ALPL: variants seen among roughly 807,000 people sequenced by gnomAD.
The protein encoded by ALPL is alkaline phosphatase, tissue-nonspecific isozyme.
Under a neutral mutation model 51.3 loss-of-function variants are expected in ALPL, and 42 were observed. That is an observed-to-expected ratio of 0.82 (90% CI 0.64 to 1.06). The LOEUF (loss-of-function observed/expected upper bound fraction) is 1.06. ALPL is among the 50% of genes least tolerant of loss of function. ALPL has a pLI of 0.00. For missense variants in ALPL, 589 were observed against 709.4 expected (o/e 0.83, Z 1.93); for synonymous variants, 279 against 296.4 (o/e 0.94, Z 0.60).
At chr1:21,571,344 T>G (rs904651893) in intron 8 of ALPL, among the ~76,000 whole-genome samples, 1 of 152,194 alleles carries the variant, frequency 6.6e-6, no homozygotes, top group African/African-American at 2.4e-5. Context: ...TTGTATAAGT[T>G]ATCTGTTGCT....
At chr1:21,574,944 G>A (rs561863889) in intron 9 of ALPL, among the ~76,000 whole-genome samples, 153 of 152,388 alleles carry the variant, frequency 1.0e-3, no homozygotes, top group African/African-American at 3.5e-3. Flanking sequence ...ACCAGGCAGC[G>A]CCCTCCTGTT....
At chr1:21,552,513 TC>T (rs1160891011) in intron 1 of ALPL, among the ~76,000 whole-genome samples, 1 of 151,792 alleles carries the variant, frequency 6.6e-6, no homozygotes, top group Non-Finnish European at 1.5e-5. Flanking sequence ...AAAATCTTTT[TC>T]CTTTGAGCTG....
intron 1 of ALPL, among the ~76,000 whole-genome samples, chr1:21,524,718 G>C (rs1477601905): frequency 6.6e-6 from 1 of 152,182 alleles, no homozygotes; most frequent in Non-Finnish European, 1.5e-5. Context: ...GATCTGGGGA[G>C]GGGGAGCAAG....
At chr1:21,518,100 C>T (rs1308297785) in intron 1 of ALPL, among the ~76,000 whole-genome samples, 2 of 152,010 alleles carry the variant, frequency 1.3e-5, no homozygotes, top group African/African-American at 2.4e-5. Flanking sequence ...AGGGCCCACC[C>T]CAGGTGTGGG....
In ALPL at chr1:21,577,914, A is replaced by G. The variant is rs1644765420; in HGVS notation, c.*266A>G. 1 of 588,552 alleles carries G rather than the reference A, an allele frequency of 1.7e-6. No individual in the cohort carries two copies. Among genetic ancestry groups the G allele is most frequent in the African/African-American group, 1.9e-5 (1 of 53,818 alleles). The allele number at this position is 588,552 out of a possible 1,614,324, so 36.5% of individuals were successfully genotyped here. A position where few individuals can be genotyped will look rare whatever the true frequency, so the allele number is the denominator to read the frequency against. ...GATTTCTCTTGGGCAGGCAGAGAGTACAGACTGCAGACATTCTCAAAGCCT... is the reference window on the plus strand; with the variant it reads ...GATTTCTCTTGGGCAGGCAGAGAGTGCAGACTGCAGACATTCTCAAAGCCT... On this transcript the variant is annotated 3_prime_UTR_variant, in exon 12 of 12. Coordinates refer to ENST00000374840, the MANE Select transcript of ALPL (RefSeq NM_000478.6).
intron 1 of ALPL, among the ~76,000 whole-genome samples, chr1:21,544,909 T>G (rs1357106740): frequency 1.4e-5 from 2 of 144,820 alleles, no homozygotes; most frequent in South Asian, 2.1e-4. Flanking sequence ...TTTTGTTTTG[T>G]TTTTTTTTCT....
intron 1 of ALPL, among the ~76,000 whole-genome samples, chr1:21,538,397 G>A (rs1171187511): frequency 2.0e-5 from 3 of 152,228 alleles, no homozygotes; most frequent in Admixed American, 2.0e-4. Context: ...CTGGGAATGC[G>A]AGGAACGCTG....
intron 11 of ALPL, 98 bp from the exon 12 acceptor site, chr1:21,577,285 G>C: frequency 6.3e-7 from 1 of 1,577,750 alleles, no homozygotes; most frequent in Non-Finnish European, 8.7e-7. Context: ...TCTGTGAAAT[G>C]GGAGCATTCA....
At chr1:21,515,077 A>T (rs1300250205) in intron 1 of ALPL, among the ~76,000 whole-genome samples, 2 of 152,054 alleles carry the variant, frequency 1.3e-5, no homozygotes, top group Non-Finnish European at 2.9e-5. Flanking sequence ...TGTTTCAGAG[A>T]TGCTTCTTCA....
chr1:21,553,437 G>A (rs1217429511), intron 1 of ALPL, among the ~76,000 whole-genome samples: 1 of 152,168 alleles, frequency 6.6e-6, no homozygotes, highest in Non-Finnish European at 1.5e-5. Context: ...GAAAGAAGGG[G>A]TGCACTCTGT....
At chr1:21,563,063 T>G in intron 4 of ALPL, 47 bp from the exon 5 acceptor site, 5 of 1,611,190 alleles carry the variant, frequency 3.1e-6, no homozygotes, top group Non-Finnish European at 4.2e-6. Flanking sequence ...TGGGTGCCAC[T>G]GGGGCGAAGG....
chr1:21,561,156 C>T lies in ALPL; in HGVS notation c.241C>T (p.Pro81Ser), dbSNP rs915866721. 2.9e-5 allele frequency: 47 copies of T among 1,613,582 alleles called. 1 individual carries two copies. The highest frequency in any genetic ancestry group is 3.8e-5 in the Non-Finnish European group (45 of 1,179,906). ...CCTCAAGGGTCAGCTCCACCACAAC[C>T]CTGGGGAGGAGACCAGGCTGGAGAT... ...RILKGQLHHNPGEETRLEMDK... is the reference protein window; with the variant it reads ...RILKGQLHHNSGEETRLEMDK... Residue 81 changes from proline (P) to serine (S), a missense_variant, in exon 4 of 12, where the codon CCT becomes TCT. Coordinates refer to ENST00000374840, the MANE Select transcript of ALPL (RefSeq NM_000478.6).
At chr1:21,542,091 A>C (rs1644194193) in intron 1 of ALPL, among the ~76,000 whole-genome samples, 1 of 152,224 alleles carries the variant, frequency 6.6e-6, no homozygotes, top group Non-Finnish European at 1.5e-5. Context: ...TAATGAATAC[A>C]GTCCTGGCCA....
chr1:21,571,727 C>T (rs142809275), intron 8 of ALPL, among the ~76,000 whole-genome samples: 3,352 of 150,812 alleles, frequency 0.022, 118 homozygotes, highest in African/African-American at 0.078. Context: ...CAATGGCTCG[C>T]GCCTGTAATC....
chr1:21,562,331 A>T (rs756771953), intron 4 of ALPL, among the ~76,000 whole-genome samples: 2 of 152,256 alleles, frequency 1.3e-5, no homozygotes, highest in Non-Finnish European at 2.9e-5. Flanking sequence ...TCAATTTGTA[A>T]CAAACACAGT....
chr1:21,528,016 GTTT>G (rs913674930), intron 1 of ALPL, among the ~76,000 whole-genome samples: 17 of 146,206 alleles, frequency 1.2e-4, no homozygotes, highest in Admixed American at 2.0e-4. Context: ...TTTTTTTTTT[GTTT>G]TTTTGTTTTT....
At chr1:21,534,615 G>A (rs1256346) in intron 1 of ALPL, among the ~76,000 whole-genome samples, 19,526 of 152,120 alleles carry the variant, frequency 0.13, 1,457 homozygotes, top group Middle Eastern at 0.18. Context: ...GCCCCCCACC[G>A]CTGTCCCTCA....
intron 1 of ALPL, among the ~76,000 whole-genome samples, chr1:21,523,289 A>G (rs1220932609): frequency 6.6e-6 from 1 of 152,054 alleles, no homozygotes; most frequent in Non-Finnish European, 1.5e-5. Context: ...ACAGAGCGAG[A>G]CTCCATCTCA....
intron 1 of ALPL, among the ~76,000 whole-genome samples, chr1:21,532,411 G>A (rs1172770742): frequency 6.6e-6 from 1 of 151,984 alleles, no homozygotes; most frequent in Non-Finnish European, 1.5e-5. Context: ...GGCTGATCTC[G>A]AACTCCTGAC....
Sources: allele counts gnomAD v4.1 joint callset (sites outside exome capture counted in the v4.1 genomes callset), GRCh38; gene constraint gnomAD v4.1.1; transcripts MANE v1.5; gene names NCBI Gene and HGNC (gene_info 2026-07-23, HGNC 2026-07-21).